ZNF83: variants seen among roughly 807,000 people sequenced by gnomAD.
The protein encoded by ZNF83 is zinc finger protein 816B.
For synonymous variants in ZNF83, 209 were observed against 213.0 expected (o/e 0.98, Z 0.17); for missense variants, 552 against 629.9 (o/e 0.88, Z 1.32).
upstream of ZNF83, among the ~76,000 whole-genome samples, chr19:52,639,200 C>T (rs1293205515): frequency 2.0e-5 from 3 of 151,936 alleles, no homozygotes; most frequent in African/African-American, 7.3e-5. Flanking sequence ...GATTCTCATG[C>T]CTCTATCTCC....
chr19:52,629,303 T>C (rs1205256859), intron 2 of ZNF83, among the ~76,000 whole-genome samples: 1 of 152,126 alleles, frequency 6.6e-6, no homozygotes, highest in Non-Finnish European at 1.5e-5. Flanking sequence ...TCGGTCCCTG[T>C]GCCCAGTCTC....
chr19:52,637,037 T>A (rs528449286), intron 1 of ZNF83: 1 of 152,412 alleles, frequency 6.6e-6, no homozygotes, highest in East Asian at 1.9e-4. Flanking sequence ...AGCTCTTGTT[T>A]TCTTTTCTTT....
rs148120612 is a variant in ZNF83 at position 52,619,978 on chromosome 19, G to A, written c.-233-5181C>T. 3.7e-3 allele frequency among the ~76,000 whole-genome samples: 561 copies of A among 152,222 alleles called. 4 individuals carry two copies. In the Middle Eastern group the frequency reaches 0.044, roughly 12 times the overall value. On this transcript the variant is annotated intron_variant, in intron 2 of 2. Coordinates refer to ENST00000301096, the Ensembl canonical transcript of ZNF83. The stretch of plus-strand genomic sequence containing the variant: ...GGTGGGAGGATGTCTTTACCATGAG[G>A]GTACAGGTTGCAGTGAGCTATGATT...
intron 2 of ZNF83, among the ~76,000 whole-genome samples, chr19:52,622,889 C>G (rs1001344152): frequency 4.6e-5 from 7 of 152,254 alleles, no homozygotes; most frequent in African/African-American, 1.7e-4. Context: ...AATGGCAATG[C>G]ATTTCTGAGT....
In ZNF83 at chr19:52,649,976, G is replaced by A. The variant is rs899934380; in HGVS notation, c.-74+5585C>T. Among the ~76,000 whole-genome samples, 9 of 152,082 alleles carry A rather than the reference G, an allele frequency of 5.9e-5. No individual in the cohort carries two copies. In the East Asian group the frequency reaches 9.7e-4, roughly 16 times the overall value. On this transcript the variant is annotated intron_variant, in intron 3 of 5. Coordinates refer to the ZNF83 transcript ENST00000594682. ...CAGGCCTCACAAAAGATATGAGACAGGGGGGCCACAGAACTCAAAGACAGG... is the reference window on the plus strand; with the variant it reads ...CAGGCCTCACAAAAGATATGAGACAAGGGGGCCACAGAACTCAAAGACAGG...
chr19:52,678,971 CT>C (rs540268360), intron 1 of ZNF83, among the ~76,000 whole-genome samples: 62 of 95,818 alleles, frequency 6.5e-4, no homozygotes, highest in South Asian at 2.3e-3. Context: ...AAGACTCCAT[CT>C]CAAAAAAAAA....
intron 1 of ZNF83, among the ~76,000 whole-genome samples, chr19:52,685,879 A>T (rs974838603): frequency 4.1e-5 from 6 of 145,108 alleles, no homozygotes; most frequent in African/African-American, 1.6e-4. Context: ...AGCCTGGGGA[A>T]CAAGAGTGTA....
rs1459006948 is a variant in ZNF83, at chr19:52,687,599, G to GTGTA, written c.-283+2843_-283+2844insTACA. The stretch of plus-strand genomic sequence containing the variant: ...AATTTTATATATATATATATATAAT[G>GTGTA]TATATATATATAATGTGTATATATA... On this transcript the variant is annotated intron_variant, in intron 1 of 5. Transcript: ENST00000594682. Among the ~76,000 whole-genome samples, 6 of 16,820 alleles carry GTGTA rather than the reference G, an allele frequency of 3.6e-4. 1 individual carries two copies. Among genetic ancestry groups the GTGTA allele is most frequent in the African/African-American group, 1.6e-3 (3 of 1,890 alleles). The allele number at this position is 16,820 out of a possible 152,430, so 11.0% of individuals were successfully genotyped here.
chr19:52,615,015 G>C (rs887869543), intron 2 of ZNF83, among the ~76,000 whole-genome samples: 3 of 152,070 alleles, frequency 2.0e-5, no homozygotes, highest in African/African-American at 7.2e-5. Flanking sequence ...TTGCAGAAAA[G>C]CCTAGTATAA....
chr19:52,680,611 T>A (rs2061893243), intron 1 of ZNF83, among the ~76,000 whole-genome samples: 1 of 110,104 alleles, frequency 9.1e-6, no homozygotes, highest in Non-Finnish European at 2.1e-5. Flanking sequence ...AAAATATTTT[T>A]TTTTTTTTTT....
intron 2 of ZNF83, among the ~76,000 whole-genome samples, chr19:52,629,085 A>C (rs1334922425): frequency 1.3e-5 from 2 of 152,028 alleles, no homozygotes; most frequent in Non-Finnish European, 2.9e-5. Context: ...TTAAGAACTT[A>C]AAACCTCTTC....
intron 1 of ZNF83, among the ~76,000 whole-genome samples, chr19:52,637,859 T>TG: frequency 6.7e-6 from 1 of 149,896 alleles, no homozygotes; most frequent in South Asian, 2.1e-4. Flanking sequence ...AGGAGGGAGG[T>TG]GGGGGGGAGA....
intron 2 of ZNF83, among the ~76,000 whole-genome samples, chr19:52,622,368 T>G (rs1015508396): frequency 1.3e-5 from 2 of 152,136 alleles, no homozygotes; most frequent in Admixed American, 6.5e-5. Flanking sequence ...CAACTTAACC[T>G]GGAGTGACTT....
At position 52,653,093 on chromosome 19, in the gene ZNF83, G is replaced by T. The variant is rs2061464082; in HGVS notation, c.-74+2468C>A. ...TTCTCTCCAGTATGAATTGCCTTAT[G>T]AATTAGAAGGGATGAATTTCGAGCA... On this transcript the variant is annotated intron_variant, in intron 3 of 5. Transcript: ENST00000594682. 11 of 1,476,638 alleles carry T rather than the reference G, an allele frequency of 7.4e-6. No homozygotes were observed. In the South Asian group the frequency reaches 1.1e-4, roughly 15 times the overall value. 91.5% of individuals were successfully genotyped at this position (1,476,638 alleles called of 1,614,324 possible). A position where few individuals can be genotyped will look rare whatever the true frequency, so the allele number is the denominator to read the frequency against.
intron 1 of ZNF83, among the ~76,000 whole-genome samples, chr19:52,685,810 A>G (rs576967859): frequency 6.6e-6 from 1 of 151,990 alleles, no homozygotes; most frequent in Middle Eastern, 3.4e-3. Flanking sequence ...AAGCAGGAGA[A>G]TCACTTAAAT....
exon 3 of ZNF83, chr19:52,614,035 T>C (rs1471439995): frequency 6.2e-7 from 1 of 1,613,398 alleles, no homozygotes; most frequent in Non-Finnish European, 8.5e-7. Flanking sequence ...ATTACATTTA[T>C]ATGGTTTCTC....
chr19:52,669,974 A>G (rs1457919026), intron 1 of ZNF83, among the ~76,000 whole-genome samples: 2 of 152,250 alleles, frequency 1.3e-5, no homozygotes, highest in Non-Finnish European at 2.9e-5. Flanking sequence ...AGAGAAGGGA[A>G]TGTTAGATAT....
At chr19:52,631,665 T>A (rs372543501) in intron 2 of ZNF83, among the ~76,000 whole-genome samples, 1 of 152,222 alleles carries the variant, frequency 6.6e-6, no homozygotes, top group African/African-American at 2.4e-5. Context: ...CTGACCCTCA[T>A]GACTGTATCT....
intron 2 of ZNF83, among the ~76,000 whole-genome samples, chr19:52,625,623 A>G (rs1332289677): frequency 2.0e-5 from 3 of 152,186 alleles, no homozygotes; most frequent in East Asian, 1.9e-4. Context: ...ACATCTATCA[A>G]TACTGGCAAA....
Sources: gnomAD v4.1 joint callset for allele counts (sites outside exome capture counted in the v4.1 genomes callset) on GRCh38, gnomAD v4.1.1 for gene constraint, MANE v1.5 for transcripts, NCBI Gene and HGNC (gene_info 2026-07-23, HGNC 2026-07-21) for gene names.